The following CDC42BPB variants were observed in gnomAD, a reference collection of about 807,000 sequenced individuals.
CDC42BPB encodes the protein serine/threonine-protein kinase MRCK beta.
In CDC42BPB, 37 loss-of-function variants were observed where a neutral mutation model predicts 214.9. The observed-to-expected ratio is 0.17, with a 90% CI of 0.13 to 0.23. The LOEUF is 0.23. CDC42BPB is among the 10% of genes least tolerant of loss of function. The probability of loss-of-function intolerance (pLI) is 1.00; values close to 1 mark genes in which losing one functional copy is unlikely to be tolerated. For synonymous variants in CDC42BPB, 931 were observed against 884.0 expected (o/e 1.05, Z -0.94); for missense variants, 1,694 against 2,227.0 (o/e 0.76, Z 4.82).
At chr14:102,989,826 G>A (rs1280252154) in intron 5 of CDC42BPB, among the ~76,000 whole-genome samples, 2 of 150,456 alleles carry the variant, frequency 1.3e-5, no homozygotes, top group African/African-American at 2.5e-5. Flanking sequence ...ACCACTGCGC[G>A]CCAGCCTGGG....
At chr14:103,047,035 A>G (rs1478591259) in intron 1 of CDC42BPB, among the ~76,000 whole-genome samples, 1 of 151,572 alleles carries the variant, frequency 6.6e-6, no homozygotes, top group Admixed American at 6.6e-5. Context: ...CTATAATCCC[A>G]AGCACTCTGG....
intron 1 of CDC42BPB, among the ~76,000 whole-genome samples, chr14:103,017,735 C>A (rs1886545254): frequency 6.6e-6 from 1 of 152,196 alleles, no homozygotes; most frequent in Non-Finnish European, 1.5e-5. Flanking sequence ...AGACACAGAA[C>A]TGATCACACA....
At chr14:102,934,779 A>G (rs1891565358) in intron 36 of CDC42BPB, among the ~76,000 whole-genome samples, 2 of 152,128 alleles carry the variant, frequency 1.3e-5, no homozygotes, top group Non-Finnish European at 2.9e-5. Context: ...TGGGAGGCCA[A>G]GGTGGGCAGA....
chr14:102,936,323 C>G (rs950269660), intron 36 of CDC42BPB, among the ~76,000 whole-genome samples: 1 of 152,226 alleles, frequency 6.6e-6, no homozygotes, highest in Non-Finnish European at 1.5e-5. Context: ...CCACTCACAA[C>G]AGCTGAAGGA....
At chr14:102,940,601 G>T in intron 30 of CDC42BPB, 1 of 794,412 alleles carries the variant, frequency 1.3e-6, no homozygotes, top group Non-Finnish European at 1.8e-6. Context: ...CTTTTAAAAA[G>T]TCTGGTTTTT....
chr14:102,972,597 G>A (rs746815054), intron 12 of CDC42BPB, among the ~76,000 whole-genome samples: 10 of 151,468 alleles, frequency 6.6e-5, no homozygotes, highest in Non-Finnish European at 1.5e-5. Context: ...GCTGAGGCAG[G>A]AGAACGGTGT....
rs779444828 is a variant in CDC42BPB at position 102,943,359 on chromosome 14, TAGAG to T, written c.4408+528_4408+531del. Among the ~76,000 whole-genome samples the T allele has an allele frequency of 1.3e-5, 2 of 152,182 alleles. No homozygotes were observed. Among genetic ancestry groups the T allele is most frequent in the Non-Finnish European group, 2.9e-5 (2 of 68,032 alleles). On this transcript the variant is annotated intron_variant, in intron 30 of 36. Transcript: ENST00000361246. The surrounding 1 kb of genome is among the most constrained non-coding windows in gnomAD (Gnocchi z 4.6). ...ACCTGTTCCCCAGTGCCACCATTCA[TAGAG>T]AAAGTCATGCCAACTAGGCGAATTC...
intron 11 of CDC42BPB, among the ~76,000 whole-genome samples, chr14:102,974,748 G>A (rs993194193): frequency 2.0e-5 from 3 of 152,148 alleles, no homozygotes; most frequent in African/African-American, 7.2e-5. Flanking sequence ...ACGAGGTCAG[G>A]AGATCGAGAC....
At chr14:102,996,108 G>C (rs1484900967) in intron 5 of CDC42BPB, among the ~76,000 whole-genome samples, 1 of 152,230 alleles carries the variant, frequency 6.6e-6, no homozygotes, top group Non-Finnish European at 1.5e-5. Context: ...GGGAGGCCGA[G>C]GCGGGCGGAT....
At chr14:103,008,433 C>G in intron 3 of CDC42BPB, 39 bp downstream of exon 3, 1 of 1,327,888 alleles carries the variant, frequency 7.5e-7, no homozygotes, top group South Asian at 1.2e-5. Context: ...CTGCTCACCC[C>G]AAGCCCCATT....
At chr14:103,034,809 C>T (rs1395051280) in intron 1 of CDC42BPB, among the ~76,000 whole-genome samples, 2 of 146,038 alleles carry the variant, frequency 1.4e-5, no homozygotes, top group Non-Finnish European at 3.0e-5. Flanking sequence ...CAGAGTGAGA[C>T]TCCGTCTCCA....
intron 5 of CDC42BPB, among the ~76,000 whole-genome samples, chr14:102,996,445 CA>C (rs1318143367): frequency 2.0e-5 from 3 of 152,104 alleles, no homozygotes; most frequent in Admixed American, 2.0e-4. Context: ...GTGATAAATA[CA>C]AAGACATTTA....
intron 16 of CDC42BPB, among the ~76,000 whole-genome samples, chr14:102,967,954 G>C (rs1893292202): frequency 6.6e-6 from 1 of 152,118 alleles, no homozygotes; most frequent in East Asian, 1.9e-4. Flanking sequence ...ACTTAGCCAG[G>C]CGTGGTGGCA....
Position 102,933,515 on chromosome 14 carries a change from CG to C in CDC42BPB, c.*196del, listed in dbSNP as rs1188326692. ...CAGCATCGCCTCACAGCTGTGCAGA[CG>C]AACAGATGTGGTCTACTGCCACGAA... On this transcript the variant is annotated 3_prime_UTR_variant, in exon 37 of 37. Coordinates refer to ENST00000361246, the MANE Select transcript of CDC42BPB (RefSeq NM_006035.4). 1 of 473,512 alleles carries C rather than the reference CG, an allele frequency of 2.1e-6. No homozygotes were observed. Among genetic ancestry groups the C allele is most frequent in the Non-Finnish European group, 3.6e-6 (1 of 279,784 alleles). 29.3% of individuals were successfully genotyped at this position (473,512 alleles called of 1,614,324 possible).
intron 1 of CDC42BPB, among the ~76,000 whole-genome samples, chr14:103,030,059 T>C (rs947153120): frequency 2.0e-5 from 3 of 152,094 alleles, no homozygotes; most frequent in Admixed American, 2.0e-4. Context: ...TGGCTGCTCC[T>C]GAACCAGAGG....
rs1388898869 is a variant in CDC42BPB at position 102,959,637 on chromosome 14, T to A, written c.2895A>T (p.Thr965=). Residue 965 remains threonine, a synonymous_variant, in exon 21 of 37, where the codon ACA becomes ACT. Transcript: ENST00000361246. ...FNTAPLAHDL[T]FRTSSASEQE... is the part of the protein sequence containing the mutation. ...AAAAAAAACAATGACTTACTCTAAATGTCAGGTCATGTGCAAGAGGAGCAG... is the reference window on the plus strand; with the variant it reads ...AAAAAAAACAATGACTTACTCTAAAAGTCAGGTCATGTGCAAGAGGAGCAG... 6.3e-7 allele frequency: 1 copy of A among 1,597,880 alleles called. No homozygotes were observed. The highest frequency in any genetic ancestry group is 2.2e-5 in the East Asian group (1 of 44,788).
At chr14:103,040,354 C>A (rs1887919486) in intron 1 of CDC42BPB, among the ~76,000 whole-genome samples, 1 of 147,624 alleles carries the variant, frequency 6.8e-6, no homozygotes, top group Non-Finnish European at 1.5e-5. Flanking sequence ...GACTCCGTCT[C>A]AAAAAAAAAG....
chr14:102,967,652 C>A (rs1353042657), intron 16 of CDC42BPB, among the ~76,000 whole-genome samples: 1 of 152,150 alleles, frequency 6.6e-6, no homozygotes, highest in East Asian at 1.9e-4. Flanking sequence ...ACGCTGCCGG[C>A]GGCTGTAGCA....
chr14:102,974,789 C>T (rs967478153), intron 11 of CDC42BPB, among the ~76,000 whole-genome samples: 7 of 152,060 alleles, frequency 4.6e-5, no homozygotes, highest in Non-Finnish European at 8.8e-5. Flanking sequence ...AATCCTGTCT[C>T]TATTTTGTAA....
Sources: allele counts gnomAD v4.1 joint callset (sites outside exome capture counted in the v4.1 genomes callset), GRCh38; gene constraint gnomAD v4.1.1; non-coding constraint Gnocchi (gnomAD v3.1); transcripts MANE v1.5; gene names NCBI Gene and HGNC (gene_info 2026-07-23, HGNC 2026-07-21).